Variants in HIVEP2 observed in about 807,000 individuals in gnomAD.
HIVEP2 encodes the protein HIVEP zinc finger 2.
A neutral mutation model predicts 180.7 loss-of-function variants in HIVEP2; 14 were observed. The observed-to-expected ratio is 0.08, with a 90% CI of 0.05 to 0.12. HIVEP2 has a LOEUF of 0.12. HIVEP2 is among the 10% of genes least tolerant of loss of function. HIVEP2 has a pLI of 1.00. For missense variants in HIVEP2, 2,579 were observed against 3,008.5 expected (o/e 0.86, Z 3.34); for synonymous variants, 1,184 against 1,136.4 (o/e 1.04, Z -0.84).
chr6:142,817,385 G>C (rs1375220932), intron 2 of HIVEP2, among the ~76,000 whole-genome samples: 1 of 152,126 alleles, frequency 6.6e-6, no homozygotes, highest in South Asian at 2.1e-4. Context: ...ATTTGGAGAC[G>C]ACCAGCAGTC....
At chr6:142,887,338 T>C (rs900557602) in intron 1 of HIVEP2, among the ~76,000 whole-genome samples, 1 of 152,126 alleles carries the variant, frequency 6.6e-6, no homozygotes, top group Non-Finnish European at 1.5e-5. Flanking sequence ...ATACTTAATA[T>C]TAACTCAGAA....
rs1775544817 is a variant in HIVEP2, at chr6:142,771,565, A to G, written c.3174T>C (p.His1058=). ...SKSFDYGNLS[H]APVSGAAAST... ...AGGCTGCTGCTCCCGACACAGGAGC[A>G]TGGGACAGATTCCCATAATCAAATG... The change falls in exon 5 of 10, where the codon CAT becomes CAC. Residue 1058 remains histidine, a synonymous_variant. Transcript: ENST00000367603. The surrounding 1 kb of genome is among the most constrained non-coding windows in gnomAD (Gnocchi z 5.4). 6.2e-7 allele frequency: 1 copy of G among 1,613,938 alleles called. No individual in the cohort carries two copies. The highest frequency in any genetic ancestry group is 1.1e-5 in the South Asian group (1 of 91,090).
chr6:142,774,458 C>G lies in HIVEP2; in HGVS notation c.281G>C (p.Cys94Ser). 6.2e-7 allele frequency: 1 copy of G among 1,614,128 alleles called. No homozygotes were observed. The highest frequency in any genetic ancestry group is 1.3e-5 in the African/African-American group (1 of 75,016). The change falls in exon 5 of 10, where the codon TGC becomes TCC. Residue 94 changes from cysteine to serine, a missense_variant. Cys to Ser is a moderately radical substitution (Grantham distance 112). Around this residue, in one of 11 missense-constraint regions of HIVEP2, gnomAD observed 207 missense variants for 210.1 expected, o/e 0.99. Transcript: ENST00000367603. The surrounding 1 kb of genome is among the most constrained non-coding windows in gnomAD (Gnocchi z 5.1). ...CTGAGGGAAAGAGAGTGAGTGTTGG[C>G]ATGAGTAAGGACTCGGACGATGCGG... ...YPPHRPSPYS[C>S]QHSLSFPQHS... is the part of the protein sequence containing the mutation.
intron 1 of HIVEP2, among the ~76,000 whole-genome samples, chr6:142,912,698 G>A (rs991082526): frequency 6.6e-6 from 1 of 152,232 alleles, no homozygotes; most frequent in East Asian, 1.9e-4. Flanking sequence ...CCGCGCATGC[G>A]AGGGATCTAG....
intron 2 of HIVEP2, among the ~76,000 whole-genome samples, chr6:142,816,565 C>T (rs565021914): frequency 1.3e-5 from 2 of 152,238 alleles, no homozygotes; most frequent in African/African-American, 4.8e-5. Context: ...CATAGACTAC[C>T]AGATACCATC....
chr6:142,782,440 C>T (rs1038339135), intron 3 of HIVEP2, among the ~76,000 whole-genome samples: 1 of 152,066 alleles, frequency 6.6e-6, no homozygotes, highest in African/African-American at 2.4e-5. Flanking sequence ...GAAAAAGGAA[C>T]TACCAAGAAA....
At chr6:142,865,357 A>C (rs1355484644) in intron 1 of HIVEP2, among the ~76,000 whole-genome samples, 2 of 152,174 alleles carry the variant, frequency 1.3e-5, no homozygotes, top group Non-Finnish European at 2.9e-5. Flanking sequence ...AAGACATAAA[A>C]ATCCTAATTT....
chr6:142,789,415 G>A (rs1275505416), intron 2 of HIVEP2, among the ~76,000 whole-genome samples: 3 of 152,148 alleles, frequency 2.0e-5, no homozygotes, highest in African/African-American at 4.8e-5. Context: ...TTGACATCAC[G>A]TAAGTCATAT....
chr6:142,770,094 C>T lies in HIVEP2; in HGVS notation c.4645G>A (p.Ala1549Thr), dbSNP rs1229975623. Residue 1549 changes from alanine to threonine, a missense_variant, in exon 5 of 10, where the codon GCA becomes ACA. This residue lies in a region of HIVEP2 where 349 missense variants were observed against 367.2 expected (regional missense o/e 0.95). Coordinates refer to ENST00000367603, the MANE Select transcript of HIVEP2 (RefSeq NM_006734.4). This position sits in a 1 kb window ranked among gnomAD's most constrained non-coding sequence, Gnocchi z 4.7. ...PSKEMLSGSRAPLPGQKSSGP... is the reference protein window; with the variant it reads ...PSKEMLSGSRTPLPGQKSSGP... ...CTGGACTTCTGCCCCGGAAGTGGTG[C>T]CCGGGAACCGGAAAGCATCTCCTTG... The T allele has an allele frequency of 6.2e-7, 1 of 1,614,232 alleles. No homozygotes were observed. The highest frequency in any genetic ancestry group is 1.7e-5 in the Admixed American group (1 of 60,034).
intron 1 of HIVEP2, among the ~76,000 whole-genome samples, chr6:142,944,520 T>C (rs925972164): frequency 6.7e-6 from 1 of 149,296 alleles, no homozygotes; most frequent in Non-Finnish European, 1.5e-5. Flanking sequence ...AGGCGGGGGG[T>C]GGGGGTGAAA....
At chr6:142,869,204 T>C (rs1378287473) in intron 1 of HIVEP2, among the ~76,000 whole-genome samples, 2 of 152,190 alleles carry the variant, frequency 1.3e-5, no homozygotes, top group African/African-American at 4.8e-5. Context: ...ATGTCAACAA[T>C]GCCAAGGTTG....
At chr6:142,807,768 C>A (rs1271852547) in intron 2 of HIVEP2, among the ~76,000 whole-genome samples, 1 of 152,156 alleles carries the variant, frequency 6.6e-6, no homozygotes, top group African/African-American at 2.4e-5. Flanking sequence ...AAGAGAGAGG[C>A]TATGCACAAG....
At chr6:142,805,139 T>G (rs1776514632) in intron 2 of HIVEP2, among the ~76,000 whole-genome samples, 1 of 151,982 alleles carries the variant, frequency 6.6e-6, no homozygotes, top group Admixed American at 6.6e-5. Flanking sequence ...AAGGAGAAGA[T>G]GGGCTGTAAA....
At chr6:142,927,653 A>G (rs911071412) in intron 1 of HIVEP2, among the ~76,000 whole-genome samples, 2 of 152,224 alleles carry the variant, frequency 1.3e-5, no homozygotes, top group African/African-American at 4.8e-5. Context: ...GAATCTTTCA[A>G]TCTTATACTT....
chr6:142,769,311 A>T lies in HIVEP2; in HGVS notation c.5187+241T>A, dbSNP rs568668256. Among the ~76,000 whole-genome samples, 13 of 152,338 alleles carry T rather than the reference A, an allele frequency of 8.5e-5. No individual in the cohort carries two copies. The East Asian group carries it at 2.1e-3, about 25-fold the overall frequency. The stretch of plus-strand genomic sequence containing the variant: ...AGGATTTCATGGCACCCAAATTTTT[A>T]AATTTTAAAAGCATAAATGTAGGCT... On this transcript the variant is annotated intron_variant, in intron 5 of 9. Transcript: ENST00000367603.
At chr6:142,785,309 CAAAA>C (rs57458259) in intron 2 of HIVEP2, among the ~76,000 whole-genome samples, 19 of 65,368 alleles carry the variant, frequency 2.9e-4, no homozygotes, top group African/African-American at 3.4e-4. Context: ...TGGCATTCCT[CAAAA>C]AAAAAAAAAA....
intron 2 of HIVEP2, among the ~76,000 whole-genome samples, chr6:142,790,200 A>G (rs987491995): frequency 6.6e-6 from 1 of 152,198 alleles, no homozygotes; most frequent in Non-Finnish European, 1.5e-5. Context: ...AATTTCACCT[A>G]GGAGACCTGT....
At chr6:142,913,857 G>C (rs1436743782) in intron 1 of HIVEP2, among the ~76,000 whole-genome samples, 5 of 152,190 alleles carry the variant, frequency 3.3e-5, no homozygotes, top group Admixed American at 3.3e-4. Context: ...TTGATAAAAA[G>C]TAGTAAATTA....
chr6:142,925,509 TG>T (rs1462851861), intron 1 of HIVEP2, among the ~76,000 whole-genome samples: 1 of 152,182 alleles, frequency 6.6e-6, no homozygotes, highest in East Asian at 1.9e-4. Context: ...TGTTATATTT[TG>T]TCAAGGAAAA....
Sources: allele counts gnomAD v4.1 joint callset (sites outside exome capture counted in the v4.1 genomes callset), GRCh38; gene constraint gnomAD v4.1.1; regional missense constraint gnomAD v4.1.1; non-coding constraint Gnocchi (gnomAD v3.1); transcripts MANE v1.5; gene names NCBI Gene and HGNC (gene_info 2026-07-23, HGNC 2026-07-21).